Variants in STAB2 observed in about 807,000 individuals in gnomAD.
STAB2 encodes stabilin 2.
In STAB2, 288 loss-of-function variants were observed where a neutral mutation model predicts 338.1. The ratio of observed to expected loss-of-function variants is 0.85; its 90% CI spans 0.77 to 0.94. STAB2 has a LOEUF of 0.94. Among genes scored for constraint, STAB2 ranks in the 40% least tolerant of loss-of-function variants. The probability of loss-of-function intolerance (pLI) is 0.00; values close to 1 mark genes in which losing one functional copy is unlikely to be tolerated. For synonymous variants in STAB2, 1,202 were observed against 1,193.3 expected (o/e 1.01, Z -0.15); for missense variants, 3,141 against 3,210.1 (o/e 0.98, Z 0.52).
intron 68 of STAB2, among the ~76,000 whole-genome samples, chr12:103,765,724 T>C (rs1884899034): frequency 7.0e-6 from 1 of 142,340 alleles, no homozygotes; most frequent in African/African-American, 2.5e-5. Context: ...GTATTTTTTG[T>C]AGAGATAAGG....
rs945727587 is a variant in STAB2 at position 103,631,673 on chromosome 12, C to T, written c.563C>T (p.Thr188Ile). The T allele has an allele frequency of 1.9e-6, 3 of 1,614,100 alleles. No homozygotes were observed. In the African/African-American group the frequency reaches 4.0e-5, roughly 22 times the overall value. The part of the protein sequence containing the change: ...DGTCECYSAY[T>I]GPKCDKPIPE... Reference sequence around the variant, plus strand: ...ACCTGTGAGTGCTACTCTGCGTACACTGGCCCCAAGTGTGACAAGCGTAAG... The same window carrying T: ...ACCTGTGAGTGCTACTCTGCGTACATTGGCCCCAAGTGTGACAAGCGTAAG... Residue 188 changes from threonine (T) to isoleucine (I), a missense_variant, in exon 6 of 69, where the codon ACT becomes ATT. Physicochemically the swap from Thr to Ile is moderately conservative, Grantham distance 89 (BLOSUM62 -1). Transcript: ENST00000388887.
rs759431160 is a variant in STAB2, at chr12:103,708,440, G to A, written c.4193-1G>A. 2 of 1,613,976 alleles carry A rather than the reference G, an allele frequency of 1.2e-6. No individual in the cohort carries two copies. Among genetic ancestry groups the A allele is most frequent in the Admixed American group, 1.7e-5 (1 of 59,996 alleles). ...GATTTGCAGGTGATTTTCCCACTTA[G>A]CATGTTCTTGTGTCCATGGGAGATG... is the stretch of plus-strand genomic sequence containing the variant. On this transcript the variant is annotated splice_acceptor_variant, in intron 38 of 68. Transcript: ENST00000388887. LOFTEE classifies it high-confidence loss of function.
chr12:103,606,097 A>T (rs1326600253), intron 3 of STAB2, among the ~76,000 whole-genome samples: 1 of 150,522 alleles, frequency 6.6e-6, no homozygotes, highest in African/African-American at 2.4e-5. Flanking sequence ...CTTTTTTAGG[A>T]TCCTCTTTTG....
chr12:103,739,344 A>G, intron 53 of STAB2, 68 bp from the exon 54 acceptor site: 1 of 1,406,386 alleles, frequency 7.1e-7, no homozygotes, highest in Admixed American at 2.2e-5. Flanking sequence ...TCCAGGTATT[A>G]ATCAGGAACA....
rs780557055 is a variant in STAB2 at position 103,717,820 on chromosome 12, A to G, written c.4662A>G (p.Thr1554=). The change falls in exon 44 of 69, where the codon ACA becomes ACG. Residue 1554 remains threonine, a synonymous_variant. Coordinates refer to ENST00000388887, the MANE Select transcript of STAB2 (RefSeq NM_017564.10). ...PAYTGDGKVC[T]LINVCLTKNG... The stretch of plus-strand genomic sequence containing the variant: ...ACACTGGAGATGGAAAGGTCTGCAC[A>G]CTCATCAATGTCTGCTTAACTGTGA... The G allele has an allele frequency of 1.7e-5, 27 of 1,613,844 alleles. No individual in the cohort carries two copies. Among genetic ancestry groups the G allele is most frequent in the Non-Finnish European group, 2.3e-5 (27 of 1,179,990 alleles).
intron 52 of STAB2, among the ~76,000 whole-genome samples, chr12:103,736,006 C>T (rs929026319): frequency 1.3e-5 from 2 of 152,198 alleles, no homozygotes; most frequent in Non-Finnish European, 2.9e-5. Context: ...CCTAGATCAG[C>T]CAACTGAGAG....
intron 35 of STAB2, 107 bp downstream of exon 35, chr12:103,703,383 C>G: frequency 2.2e-6 from 3 of 1,353,188 alleles, no homozygotes; most frequent in Non-Finnish European, 3.0e-6. Context: ...CAATTCAGTC[C>G]ATAAACCACT....
At chr12:103,737,574 T>TTC (rs10558320) in intron 52 of STAB2, 60 bp from the exon 53 acceptor site, 133,610 of 1,005,898 alleles carry the variant, frequency 0.13, 2,718 homozygotes, top group African/African-American at 0.19. Flanking sequence ...GATTGACTGT[T>TTC]TCTCTCTCTC....
intron 1 of STAB2, among the ~76,000 whole-genome samples, chr12:103,589,246 C>T (rs1368103587): frequency 6.6e-6 from 1 of 152,204 alleles, no homozygotes; most frequent in Non-Finnish European, 1.5e-5. Context: ...TCCACCACGA[C>T]CAACCTATTA....
intron 7 of STAB2, 45 bp downstream of exon 7, chr12:103,637,281 A>G (rs1211827948): frequency 1.3e-6 from 2 of 1,577,972 alleles, no homozygotes; most frequent in Admixed American, 3.9e-5. Context: ...TGAGATGTTT[A>G]GGTTATTTAA....
At position 103,668,741 on chromosome 12, in the gene STAB2, G is replaced by A. The variant is rs373723959; in HGVS notation, c.2172+12G>A. 330 of 1,535,474 alleles carry A rather than the reference G, an allele frequency of 2.1e-4. 1 individual carries two copies. The highest frequency in any genetic ancestry group is 2.1e-3 in the Admixed American group (107 of 50,494). Reference sequence around the variant, plus strand: ...ATGCCACTGTGAAGGTGAGGAGCGCGTGGCCGAGGCCCAGTCTAGGCCAGT... The same window carrying A: ...ATGCCACTGTGAAGGTGAGGAGCGCATGGCCGAGGCCCAGTCTAGGCCAGT... On this transcript the variant is annotated intron_variant, in intron 20 of 68. Transcript: ENST00000388887.
At chr12:103,760,727 T>G (rs1361997397) in intron 65 of STAB2, among the ~76,000 whole-genome samples, 1 of 152,222 alleles carries the variant, frequency 6.6e-6, no homozygotes, top group African/African-American at 2.4e-5. Context: ...AGGTAGCAAG[T>G]GCTTAATAAA....
rs527610919 is a variant in STAB2, at chr12:103,587,336, G to A, written c.-141G>A. The A allele has an allele frequency of 4.3e-5, 31 of 724,534 alleles. No individual in the cohort carries two copies. Among genetic ancestry groups the A allele is most frequent in the Non-Finnish European group, 6.6e-5 (29 of 441,684 alleles). 44.9% of individuals were successfully genotyped at this position (724,534 alleles called of 1,614,324 possible). On this transcript the variant is annotated 5_prime_UTR_variant, in exon 1 of 69. Coordinates refer to ENST00000388887, the MANE Select transcript of STAB2 (RefSeq NM_017564.10). ...GCAGGTCTCACCTATCTCCTGGTTCGATCTAGGAAAAAGGAAAGGAAGGGA... is the reference window on the plus strand; with the variant it reads ...GCAGGTCTCACCTATCTCCTGGTTCAATCTAGGAAAAAGGAAAGGAAGGGA...
chr12:103,641,843 C>CA (rs1302343002), intron 9 of STAB2, among the ~76,000 whole-genome samples: 4 of 151,366 alleles, frequency 2.6e-5, no homozygotes, highest in East Asian at 1.9e-4. Context: ...TGTCTTCAGC[C>CA]AAAAAAAGGC....
Position 103,725,071 on chromosome 12 carries a change from A to T in STAB2, c.4780A>T (p.Thr1594Ser), listed in dbSNP as rs760522305. ...CKPNYIGDGF[T>S]CRGSIYQELP... ...GCCAAACTACATTGGAGATGGATTT[A>T]CCTGCCGCGGCAGCATTTATCAGGT... Residue 1594 changes from threonine to serine, a missense_variant, in exon 45 of 69, where the codon ACC becomes TCC. Coordinates refer to ENST00000388887, the MANE Select transcript of STAB2 (RefSeq NM_017564.10). 1 of 1,613,350 alleles carries T rather than the reference A, an allele frequency of 6.2e-7. No homozygotes were observed. Among genetic ancestry groups the T allele is most frequent in the Non-Finnish European group, 8.5e-7 (1 of 1,179,288 alleles).
At position 103,746,615 on chromosome 12, in the gene STAB2, C is replaced by T. The variant is rs148460946; in HGVS notation, c.6155C>T (p.Thr2052Met). 48 of 1,613,920 alleles carry T rather than the reference C, an allele frequency of 3.0e-5. No homozygotes were observed. The highest frequency in any genetic ancestry group is 4.5e-5 in the East Asian group (2 of 44,894). Residue 2052 changes from threonine to methionine, a missense_variant, in exon 58 of 69, where the codon ACG (threonine) becomes ATG (methionine). Coordinates refer to ENST00000388887, the MANE Select transcript of STAB2 (RefSeq NM_017564.10). ...TTTGCAGTTTTGCCTGCAGTGTGTA[C>T]GCCTCCTTGTTCTGCTCATGCCACC... is the stretch of plus-strand genomic sequence containing the variant. ...DTQAVLPAVCTPPCSAHATCK... is the reference protein window; with the variant it reads ...DTQAVLPAVCMPPCSAHATCK...
At chr12:103,653,619 G>GATGGATGC (rs1475010954) in intron 12 of STAB2, among the ~76,000 whole-genome samples, 2 of 148,988 alleles carry the variant, frequency 1.3e-5, no homozygotes, top group Non-Finnish European at 3.0e-5. Flanking sequence ...TGGATGGATG[G>GATGGATGC]ATGGATGGAT....
At chr12:103,695,975 G>A in intron 33 of STAB2, 131 bp downstream of exon 33, 2 of 835,798 alleles carry the variant, frequency 2.4e-6, no homozygotes, top group Non-Finnish European at 1.9e-6. Context: ...ACGTAGACTG[G>A]TGCAGAGACT....
intron 67 of STAB2, 101 bp from the exon 68 acceptor site, chr12:103,763,391 A>T: frequency 1.1e-6 from 1 of 881,792 alleles, no homozygotes; most frequent in Non-Finnish European, 1.8e-6. Flanking sequence ...AAAAAGGAAA[A>T]GCTCCCAGAG....
Sources: allele counts gnomAD v4.1 joint callset (sites outside exome capture counted in the v4.1 genomes callset), GRCh38; gene constraint gnomAD v4.1.1; transcripts MANE v1.5; gene names NCBI Gene and HGNC (gene_info 2026-07-23, HGNC 2026-07-21).